SNTG1: variants seen among roughly 807,000 people sequenced by gnomAD.
SNTG1 encodes syntrophin gamma 1.
In SNTG1, 39 loss-of-function variants were observed where a neutral mutation model predicts 74.7. The ratio of observed to expected loss-of-function variants is 0.52; its 90% CI spans 0.40 to 0.68. The LOEUF (loss-of-function observed/expected upper bound fraction) is 0.68. Among genes scored for constraint, SNTG1 ranks in the 30% least tolerant of loss-of-function variants. The probability of loss-of-function intolerance (pLI) is 0.00; values close to 1 mark genes in which losing one functional copy is unlikely to be tolerated. For synonymous variants in SNTG1, 254 were observed against 217.1 expected, an observed-to-expected ratio of 1.17 and a Z score of -1.49; for missense variants, 685 against 609.5, an observed-to-expected ratio of 1.12 and a Z score of -1.30.
chr8:50,210,994 C>G (rs983117183), intron 2 of SNTG1, among the ~76,000 whole-genome samples: 1 of 152,082 alleles, frequency 6.6e-6, no homozygotes, highest in Non-Finnish European at 1.5e-5. Flanking sequence ...GTAATTTATG[C>G]ATTGGTAATG....
At chr8:50,113,249 ATTTG>A (rs1311317305) in intron 1 of SNTG1, among the ~76,000 whole-genome samples, 1 of 152,088 alleles carries the variant, frequency 6.6e-6, no homozygotes, top group Non-Finnish European at 1.5e-5. Context: ...AAATTCTTCC[ATTTG>A]TTTGTGTCTG....
At chr8:50,290,744 G>A (rs2089052504) in intron 2 of SNTG1, among the ~76,000 whole-genome samples, 1 of 151,762 alleles carries the variant, frequency 6.6e-6, no homozygotes, top group Non-Finnish European at 1.5e-5. Context: ...AATTTTTTGG[G>A]ATTTATTTAT....
intron 8 of SNTG1, among the ~76,000 whole-genome samples, chr8:50,498,073 T>G (rs988844757): frequency 2.6e-5 from 4 of 151,968 alleles, no homozygotes; most frequent in Admixed American, 2.6e-4. Flanking sequence ...CTATGAATAT[T>G]CATGAAAAGT....
chr8:50,201,410 G>C (rs1405102154), intron 2 of SNTG1, among the ~76,000 whole-genome samples: 1 of 152,124 alleles, frequency 6.6e-6, no homozygotes, highest in Non-Finnish European at 1.5e-5. Context: ...AAAGTTTTCT[G>C]TATTATTAAC....
At chr8:49,999,541 T>C (rs1814554736) in intron 1 of SNTG1, among the ~76,000 whole-genome samples, 1 of 152,214 alleles carries the variant, frequency 6.6e-6, no homozygotes, top group African/African-American at 2.4e-5. Flanking sequence ...CTATGATGAG[T>C]CTGACCATTC....
intron 1 of SNTG1, among the ~76,000 whole-genome samples, chr8:50,029,528 C>A (rs1817565112): frequency 6.6e-6 from 1 of 151,980 alleles, no homozygotes; most frequent in Non-Finnish European, 1.5e-5. Flanking sequence ...CTCTGGTAAC[C>A]ATCATTCTAT....
intron 10 of SNTG1, among the ~76,000 whole-genome samples, chr8:50,533,995 C>A (rs1234542026): frequency 6.6e-6 from 1 of 151,958 alleles, no homozygotes. Context: ...TGAAGAAACA[C>A]AAAATTTGAA....
chr8:50,425,899 G>A (rs1441292587), intron 4 of SNTG1, among the ~76,000 whole-genome samples: 2 of 152,146 alleles, frequency 1.3e-5, no homozygotes, highest in African/African-American at 2.4e-5. Flanking sequence ...CTAAATCCCA[G>A]TTGTTTTATA....
chr8:50,036,092 G>A, intron 1 of SNTG1, among the ~76,000 whole-genome samples: 1 of 152,162 alleles, frequency 6.6e-6, no homozygotes, highest in East Asian at 1.9e-4. Context: ...GTCGAAATTG[G>A]TGTAAAATGT....
intron 1 of SNTG1, among the ~76,000 whole-genome samples, chr8:50,056,395 G>A (rs762116086): frequency 6.6e-6 from 1 of 152,076 alleles, no homozygotes; most frequent in African/African-American, 2.4e-5. Flanking sequence ...TTCCTCCTCC[G>A]ATTGCTATGG....
intron 12 of SNTG1, among the ~76,000 whole-genome samples, chr8:50,558,537 C>A (rs1366273525): frequency 1.3e-5 from 2 of 152,016 alleles, no homozygotes; most frequent in African/African-American, 4.8e-5. Context: ...CAAAAAAGTT[C>A]TTGCTATTAT....
Position 50,101,050 on chromosome 8 carries a change from C to T in SNTG1, c.-102-71511C>T, listed in dbSNP as rs577221138. Reference sequence around the variant, plus strand: ...TATGGTATTTGGTTTTCTGTTCCTACGTTACTTTGCTTAGGATAATGGCCT... The same window carrying T: ...TATGGTATTTGGTTTTCTGTTCCTATGTTACTTTGCTTAGGATAATGGCCT... On this transcript the variant is annotated intron_variant, in intron 1 of 18. Coordinates refer to ENST00000642720, the MANE Select transcript of SNTG1 (RefSeq NM_018967.5). Among the ~76,000 whole-genome samples, 16 of 152,154 alleles carry T rather than the reference C, an allele frequency of 1.1e-4. 1 individual carries two copies. The highest frequency in any genetic ancestry group is 3.4e-4 in the African/African-American group (14 of 41,550).
At chr8:50,120,380 T>G (rs1360146509) in intron 1 of SNTG1, among the ~76,000 whole-genome samples, 1 of 139,516 alleles carries the variant, frequency 7.2e-6, no homozygotes, top group Non-Finnish European at 1.6e-5. Context: ...ATTACTACCA[T>G]CACCACCACC....
chr8:50,628,610 C>A (rs1002653092), intron 13 of SNTG1, among the ~76,000 whole-genome samples: 9 of 151,972 alleles, frequency 5.9e-5, no homozygotes, highest in Non-Finnish European at 1.5e-5. Context: ...TCTTGTTGTA[C>A]CTTTCAATTT....
intron 18 of SNTG1, among the ~76,000 whole-genome samples, chr8:50,764,246 GCAA>G (rs1392819715): frequency 6.6e-6 from 1 of 151,736 alleles, no homozygotes; most frequent in East Asian, 1.9e-4. Context: ...GGCAACAATA[GCAA>G]CAACAACAAA....
At position 50,169,224 on chromosome 8, in the gene SNTG1, A is replaced by G. The variant is rs144241808; in HGVS notation, c.-102-3337A>G. ...TCAGTGAATAATAATTTATTTCACA[A>G]AAAGACATCATAGGGCACACAGATG... On this transcript the variant is annotated intron_variant, in intron 1 of 18. Transcript: ENST00000642720. 9.0e-3 allele frequency among the ~76,000 whole-genome samples: 1,365 copies of G among 152,374 alleles called. 24 individuals are homozygous for G. Among genetic ancestry groups the G allele is most frequent in the African/African-American group, 0.032 (1,311 of 41,582 alleles).
chr8:50,529,832 G>A (rs2094251683), intron 9 of SNTG1, among the ~76,000 whole-genome samples: 1 of 151,120 alleles, frequency 6.6e-6, no homozygotes, highest in South Asian at 2.1e-4. Flanking sequence ...GAACTCTGTA[G>A]ACAACCAAAA....
At chr8:50,667,830 T>C (rs1213447596) in intron 15 of SNTG1, among the ~76,000 whole-genome samples, 1 of 152,064 alleles carries the variant, frequency 6.6e-6, no homozygotes, top group East Asian at 1.9e-4. Context: ...ATATGGTTAT[T>C]TTTTTACTGT....
intron 2 of SNTG1, among the ~76,000 whole-genome samples, chr8:50,179,699 C>G (rs2083130311): frequency 6.6e-6 from 1 of 152,094 alleles, no homozygotes; most frequent in Admixed American, 6.5e-5. Flanking sequence ...CACTAATTAT[C>G]AGGAAAATGC....
Sources: gnomAD v4.1 joint callset for allele counts (sites outside exome capture counted in the v4.1 genomes callset) on GRCh38, gnomAD v4.1.1 for gene constraint, MANE v1.5 for transcripts, NCBI Gene and HGNC (gene_info 2026-07-23, HGNC 2026-07-21) for gene names.